Variants in GNAS observed in about 807,000 individuals in gnomAD.
GNAS encodes protein ALEX.
A neutral mutation model predicts 54.5 loss-of-function variants in GNAS; 8 were observed. That is an observed-to-expected ratio of 0.15 (90% CI 0.09 to 0.26). The LOEUF (loss-of-function observed/expected upper bound fraction) is 0.26. Among genes scored for constraint, GNAS ranks in the 10% least tolerant of loss-of-function variants. The pLI, the probability that GNAS is intolerant of heterozygous loss-of-function variation, is 1.00. For missense variants in GNAS, 170 were observed against 529.8 expected (o/e 0.32, Z 6.67); for synonymous variants, 204 against 191.4 (o/e 1.07, Z -0.54).
chr20:58,879,095 G>A (rs991997014), intron 1 of GNAS, among the ~76,000 whole-genome samples: 8 of 152,178 alleles, frequency 5.3e-5, no homozygotes, highest in African/African-American at 1.9e-4. Context: ...AACACAGTGA[G>A]GTGATCAGTT....
chr20:58,891,531 A>C lies in GNAS; in HGVS notation c.-196A>C. ...CTGCGCGCGCCCCTCGGTCCGACCG[A>C]CACCCTCCCCTTCCCGCCCGTCCGC... On this transcript the variant is annotated 5_prime_UTR_variant, in exon 1 of 13. Coordinates refer to ENST00000371085, the MANE Select transcript of GNAS (RefSeq NM_000516.7). 1 of 973,028 alleles carries C rather than the reference A, an allele frequency of 1.0e-6. No individual in the cohort carries two copies. 60.3% of individuals were successfully genotyped at this position (973,028 alleles called of 1,614,324 possible).
rs891733669 is a variant in GNAS at position 58,909,055 on chromosome 20, T to G, written c.531-107T>G. ...TGCCATTGACTTAGTGCTGCATAAC[T>G]GTGGGACGGTCACTTCCGTTGAGCC... On this transcript the variant is annotated intron_variant, in intron 6 of 12. Coordinates refer to ENST00000371085, the MANE Select transcript of GNAS (RefSeq NM_000516.7). This position sits in a 1 kb window ranked among gnomAD's most constrained non-coding sequence, Gnocchi z 7.3. The G allele has an allele frequency of 3.3e-6, 3 of 906,452 alleles. No homozygotes were observed. The Admixed American group carries it at 5.1e-5, about 15-fold the overall frequency. The allele number at this position is 906,452 out of a possible 1,614,324, so 56.2% of individuals were successfully genotyped here.
upstream of GNAS, among the ~76,000 whole-genome samples, chr20:58,886,599 A>G (rs528599293): frequency 7.6e-4 from 115 of 152,164 alleles, no homozygotes; most frequent in Non-Finnish European, 1.3e-3. Context: ...GTAATGATCA[A>G]TTAAATTACT....
At chr20:58,878,891 C>T (rs1009135248) in intron 1 of GNAS, among the ~76,000 whole-genome samples, 5 of 7,166 alleles carry the variant, frequency 7.0e-4, no homozygotes, top group Non-Finnish European at 2.6e-4. Flanking sequence ...GCAGAGGCAG[C>T]GGTGGTGGTG....
Position 58,909,817 on chromosome 20 carries a change from A to G in GNAS, c.839+13A>G, listed in dbSNP as rs2146286046. 6.2e-7 allele frequency: 1 copy of G among 1,613,050 alleles called. No individual in the cohort carries two copies. Among genetic ancestry groups the G allele is most frequent in the South Asian group, 1.1e-5 (1 of 91,060 alleles). Reference sequence around the variant, plus strand: ...TCTGGAACAACAGGTTTGTGGAGTGACCGCCCACCCCCTGCGCTTGCCCAG... The same window carrying G: ...TCTGGAACAACAGGTTTGTGGAGTGGCCGCCCACCCCCTGCGCTTGCCCAG... On this transcript the variant is annotated intron_variant, in intron 10 of 12. Transcript: ENST00000371085. The surrounding 1 kb of genome is among the most constrained non-coding windows in gnomAD (Gnocchi z 7.3).
At chr20:58,875,738 G>A (rs948093666) in intron 1 of GNAS, among the ~76,000 whole-genome samples, 7 of 152,212 alleles carry the variant, frequency 4.6e-5, no homozygotes, top group African/African-American at 1.2e-4. Context: ...CCTTCAGGGT[G>A]CCTGACTCAT....
At chr20:58,854,823 T>G (rs1317543087) in intron 1 of GNAS, 1 of 1,592,150 alleles carries the variant, frequency 6.3e-7, no homozygotes, top group African/African-American at 1.3e-5. Context: ...AGCCCCTGCC[T>G]CCGGGGCCAG....
chr20:58,855,093 A>G lies in GNAS; in HGVS notation c.43+14207A>G, dbSNP rs200379851. On this transcript the variant is annotated intron_variant, in intron 1 of 12. Transcript: ENST00000306090. ...AAAGCCCCAGCGCAACTTACTCCGC[A>G]ACTTTCTCGTGCAAGCCTTCGGGGG... 2.5e-6 allele frequency: 4 copies of G among 1,613,592 alleles called. No individual in the cohort carries two copies. The Admixed American group carries it at 6.7e-5, about 27-fold the overall frequency.
At chr20:58,854,411 CGCCGGGGCAGCCTCAGCGGATACCGCT>C (rs1395514695) in intron 1 of GNAS, 2 of 1,566,858 alleles carry the variant, frequency 1.3e-6, no homozygotes, top group African/African-American at 2.7e-5. Context: ...GATCCCCTGC[CGCCGGGGCAGCCTCAGCGGATACCGCT>C]GCCAGGGCAG....
At chr20:58,884,222 T>G (rs1283975589) in intron 1 of GNAS, among the ~76,000 whole-genome samples, 1 of 152,258 alleles carries the variant, frequency 6.6e-6, no homozygotes, top group Non-Finnish European at 1.5e-5. Context: ...AAAACTTCTA[T>G]TTAGCAGTCG....
At chr20:58,894,992 T>A (rs2089907855) in intron 1 of GNAS, among the ~76,000 whole-genome samples, 1 of 152,138 alleles carries the variant, frequency 6.6e-6, no homozygotes, top group African/African-American at 2.4e-5. Flanking sequence ...AAGAGGAGGA[T>A]GGATAAGTGG....
Position 58,842,276 on chromosome 20 carries a change from GA to G in GNAS, c.43+1391del, listed in dbSNP as rs1460471288. The G allele has an allele frequency of 1.0e-5, 4 of 397,864 alleles. No individual in the cohort carries two copies. The East Asian group carries it at 1.1e-4, about 11-fold the overall frequency. 24.6% of individuals were successfully genotyped at this position (397,864 alleles called of 1,614,324 possible). A position where few individuals can be genotyped will look rare whatever the true frequency, so the allele number is the denominator to read the frequency against. On this transcript the variant is annotated intron_variant, in intron 1 of 12. Coordinates refer to the GNAS transcript ENST00000306090. Reference sequence around the variant, plus strand: ...AAAAATCTCATCCGACTTGGAAATTGATTTTTTTTTTCCTGGTGTGCGTGTC... The same window carrying G: ...AAAAATCTCATCCGACTTGGAAATTGTTTTTTTTTTCCTGGTGTGCGTGTC...
chr20:58,878,912 T>TGGG (rs11086659), intron 1 of GNAS, among the ~76,000 whole-genome samples: 10 of 95,364 alleles, frequency 1.0e-4, no homozygotes, highest in Non-Finnish European at 1.5e-4. Context: ...GGGGTGCGGG[T>TGGG]GGGGGGGGGA....
chr20:58,863,800 C>CACATGTAATGTGCAATGATGAATGCTA lies in GNAS; in HGVS notation c.43+22915_43+22916insCATGTAATGTGCAATGATGAATGCTAA, dbSNP rs1354636241. ...CTCTTTTCCATTTGAACGATTTTGCCATTCATCAAACTGATTGCTAATGTG... is the reference window on the plus strand; with the variant it reads ...CTCTTTTCCATTTGAACGATTTTGCCACATGTAATGTGCAATGATGAATGCTAATTCATCAAACTGATTGCTAATGTG... On this transcript the variant is annotated intron_variant, in intron 1 of 12. Transcript: ENST00000306090. This position sits in a 1 kb window ranked among gnomAD's most constrained non-coding sequence, Gnocchi z 4.1. 2 of 152,628 alleles carry CACATGTAATGTGCAATGATGAATGCTA rather than the reference C, an allele frequency of 1.3e-5. No homozygotes were observed. The highest frequency in any genetic ancestry group is 4.8e-5 in the African/African-American group (2 of 41,442). 9.5% of individuals were successfully genotyped at this position (152,628 alleles called of 1,614,324 possible).
At chr20:58,904,287 T>A (rs1269107814) in intron 5 of GNAS, among the ~76,000 whole-genome samples, 2 of 151,944 alleles carry the variant, frequency 1.3e-5, no homozygotes, top group African/African-American at 4.9e-5. Context: ...ACATTCTCAT[T>A]TTAAACAGGT....
intron 3 of GNAS, among the ~76,000 whole-genome samples, chr20:58,902,794 C>T (rs1244507905): frequency 7.9e-6 from 1 of 126,992 alleles, no homozygotes; most frequent in Non-Finnish European, 1.6e-5. Flanking sequence ...TGCAGTGGTG[C>T]CATCTCAGCT....
intron 1 of GNAS, among the ~76,000 whole-genome samples, chr20:58,864,673 C>T (rs2086943358): frequency 1.3e-5 from 2 of 152,146 alleles, no homozygotes; most frequent in African/African-American, 4.8e-5. Flanking sequence ...GAAGGGTCCC[C>T]CTTGACTTTT....
intron 1 of GNAS, chr20:58,895,195 AT>A (rs2145997113): frequency 3.7e-6 from 1 of 269,926 alleles, no homozygotes; most frequent in Non-Finnish European, 7.3e-6. Flanking sequence ...CTGACAACAA[AT>A]TATGTGTCTA....
chr20:58,877,550 T>A (rs2087908090), intron 1 of GNAS, among the ~76,000 whole-genome samples: 1 of 152,194 alleles, frequency 6.6e-6, no homozygotes, highest in Non-Finnish European at 1.5e-5. Context: ...AGTCAGGTGC[T>A]AAGTCAGGTG....
Sources: gnomAD v4.1 joint callset for allele counts (sites outside exome capture counted in the v4.1 genomes callset) on GRCh38, gnomAD v4.1.1 for gene constraint, Gnocchi (gnomAD v3.1) non-coding constraint, MANE v1.5 for transcripts, NCBI Gene and HGNC (gene_info 2026-07-23, HGNC 2026-07-21) for gene names.